Variants in TRANK1 observed in about 807,000 individuals in gnomAD.
TRANK1 encodes TPR and ankyrin repeat-containing protein 1.
In TRANK1, 198 loss-of-function variants were observed where a neutral mutation model predicts 266.0. The observed-to-expected ratio is 0.74, with a 90% confidence interval of 0.66 to 0.84. The LOEUF (loss-of-function observed/expected upper bound fraction) is 0.84. Ranked by LOEUF, TRANK1 falls within the 40% of genes least tolerant of loss-of-function variation. The pLI is 0.00. For synonymous variants in TRANK1, 1,396 were observed against 1,384.1 expected, an observed-to-expected ratio of 1.01 and a Z score of -0.19; for missense variants, 3,326 against 3,634.6, an observed-to-expected ratio of 0.92 and a Z score of 2.18.
intron 22 of TRANK1, 51 bp from the exon 23 acceptor site, chr3:36,829,713 T>A (rs1575171323): frequency 3.1e-5 from 49 of 1,578,212 alleles, no homozygotes; most frequent in Non-Finnish European, 4.2e-5. Flanking sequence ...TTGCAGGAAC[T>A]AGAACACCAA....
chr3:36,849,029 C>T (rs1016120378), intron 15 of TRANK1, among the ~76,000 whole-genome samples: 1 of 152,106 alleles, frequency 6.6e-6, no homozygotes, highest in Non-Finnish European at 1.5e-5. Flanking sequence ...GTACTTGTAG[C>T]AAGGATACAG....
At chr3:36,839,868 T>C (rs1472088283) in intron 18 of TRANK1, among the ~76,000 whole-genome samples, 3 of 152,214 alleles carry the variant, frequency 2.0e-5, no homozygotes, top group Admixed American at 6.5e-5. Context: ...AAACCCTTTT[T>C]GTTGAATGAA....
intron 10 of TRANK1, among the ~76,000 whole-genome samples, chr3:36,863,007 A>G (rs1230037597): frequency 6.6e-6 from 1 of 152,098 alleles, no homozygotes; most frequent in Non-Finnish European, 1.5e-5. Flanking sequence ...GGATACAAAG[A>G]GGAAAAAAAA....
intron 1 of TRANK1, among the ~76,000 whole-genome samples, chr3:36,914,443 TG>T (rs1191219429): frequency 8.7e-5 from 11 of 126,514 alleles, no homozygotes; most frequent in Non-Finnish European, 1.8e-4. Flanking sequence ...ACCCAGCTGG[TG>T]TCTTCCTTTT....
rs1396918528 is a variant in TRANK1, at chr3:36,874,188, T to C, written c.1016A>G (p.Lys339Arg). The part of the protein sequence containing the change: ...VDVLKRNKNF[K>R]AIEKINSHLE... Reference sequence around the variant, plus strand: ...GTGACTGTTGATTTTCTCGATGGCTTTGAAGTTCTTATTCCTCTTCAGGAC... The same window carrying C: ...GTGACTGTTGATTTTCTCGATGGCTCTGAAGTTCTTATTCCTCTTCAGGAC... The change falls in exon 9 of 24, where the codon AAA becomes AGA. Residue 339 changes from lysine to arginine, a missense_variant. Coordinates refer to ENST00000645898, the MANE Select transcript of TRANK1 (RefSeq NM_001329998.2). 5 of 1,537,446 alleles carry C rather than the reference T, an allele frequency of 3.3e-6. No individual in the cohort carries two copies. Among genetic ancestry groups the C allele is most frequent in the Non-Finnish European group, 4.4e-6 (5 of 1,146,942 alleles).
At chr3:36,842,234 G>GA (rs34496615) in intron 18 of TRANK1, among the ~76,000 whole-genome samples, 55 of 152,240 alleles carry the variant, frequency 3.6e-4, no homozygotes, top group Middle Eastern at 3.4e-3. Context: ...TGATCAATTT[G>GA]AAAAAAATCA....
At position 36,864,432 on chromosome 3, in the gene TRANK1, T is replaced by C. The variant is rs1453416138; in HGVS notation, c.1127A>G (p.Lys376Arg). The change falls in exon 10 of 24, where the codon AAG becomes AGG. Residue 376 changes from lysine (K) to arginine (R), a missense_variant. Coordinates refer to ENST00000645898, the MANE Select transcript of TRANK1 (RefSeq NM_001329998.2). ...ATACTTCACCAGCTGCTCCAAGACC[T>C]TCCTGAAAATGTCGTTTTCACTAGT... ...GPTSENDIFR[K>R]VLEQLVKYMN... 1.4e-5 allele frequency: 22 copies of C among 1,536,446 alleles called. No individual in the cohort carries two copies. The highest frequency in any genetic ancestry group is 1.9e-5 in the Non-Finnish European group (22 of 1,146,672).
intron 8 of TRANK1, among the ~76,000 whole-genome samples, chr3:36,886,396 C>T (rs1008923430): frequency 1.3e-5 from 2 of 151,878 alleles, no homozygotes; most frequent in African/African-American, 2.4e-5. Context: ...CAGGCATGAG[C>T]CACCACACCC....
At chr3:36,850,223 C>G in intron 15 of TRANK1, 1 of 985,334 alleles carries the variant, frequency 1.0e-6, no homozygotes, top group Non-Finnish European at 1.2e-6. Flanking sequence ...AAAAGTTAGT[C>G]CTCAGAGGTA....
chr3:36,884,551 T>C (rs1370488009), intron 8 of TRANK1, among the ~76,000 whole-genome samples: 3 of 152,146 alleles, frequency 2.0e-5, no homozygotes, highest in Non-Finnish European at 2.9e-5. Flanking sequence ...TTTTATCCCA[T>C]AGAATAAAAT....
intron 5 of TRANK1, among the ~76,000 whole-genome samples, chr3:36,894,314 T>C (rs2079756325): frequency 6.6e-6 from 1 of 152,246 alleles, no homozygotes; most frequent in Non-Finnish European, 1.5e-5. Context: ...AATTAAACTA[T>C]CTTCCTGCTA....
At position 36,833,926 on chromosome 3, in the gene TRANK1, A is replaced by C; in HGVS notation, c.5664-7T>G. The C allele has an allele frequency of 6.3e-7, 1 of 1,589,704 alleles. No homozygotes were observed. Among genetic ancestry groups the C allele is most frequent in the South Asian group, 1.1e-5 (1 of 87,994 alleles). ...CTTTAGCATTTCTTCATACCTGCAA[A>C]GACAAAGGACACAAATGTCAACTTG... On this transcript the variant is annotated splice_region_variant and splice_polypyrimidine_tract_variant and intron_variant, in intron 21 of 23. Coordinates refer to ENST00000645898, the MANE Select transcript of TRANK1 (RefSeq NM_001329998.2).
At position 36,855,879 on chromosome 3, in the gene TRANK1, T is replaced by C. The variant is rs2079045082; in HGVS notation, c.3843A>G (p.Glu1281=). Residue 1281 remains glutamate (E), a synonymous_variant, in exon 13 of 24, where the codon GAA becomes GAG. Transcript: ENST00000645898. ...CTTGCCAACTAGGAATGGTTGACTC[T>C]TCCTGTGCAGACCATCCTATGATGG... ...KRTIIGWSAQ[E]ESTIPSWQED... is the part of the protein sequence containing the mutation. 6.2e-7 allele frequency: 1 copy of C among 1,613,638 alleles called. No homozygotes were observed. The highest frequency in any genetic ancestry group is 1.1e-5 in the South Asian group (1 of 91,068).
intron 10 of TRANK1, among the ~76,000 whole-genome samples, chr3:36,863,901 TC>T (rs2125557058): frequency 6.6e-6 from 1 of 152,338 alleles, no homozygotes; most frequent in South Asian, 2.1e-4. Context: ...TCTAGAATCT[TC>T]CCAAATTATT....
chr3:36,917,588 T>G (rs1395737050), intron 1 of TRANK1, among the ~76,000 whole-genome samples: 1 of 152,018 alleles, frequency 6.6e-6, no homozygotes, highest in Non-Finnish European at 1.5e-5. Flanking sequence ...GGGCAGGAGA[T>G]GTTGGAAGTT....
chr3:36,834,680 G>A (rs528453896), intron 21 of TRANK1, 82 bp downstream of exon 21: 1 of 1,500,626 alleles, frequency 6.7e-7, no homozygotes, highest in East Asian at 2.3e-5. Context: ...AGAAGCAGCA[G>A]GATAGCACCA....
intron 9 of TRANK1, among the ~76,000 whole-genome samples, chr3:36,870,250 A>G (rs2079286116): frequency 6.6e-6 from 1 of 152,208 alleles, no homozygotes; most frequent in African/African-American, 2.4e-5. Flanking sequence ...TCTACAAAAA[A>G]TACAAAATTA....
intron 8 of TRANK1, among the ~76,000 whole-genome samples, chr3:36,874,827 C>T (rs551317963): frequency 5.3e-5 from 8 of 152,094 alleles, no homozygotes; most frequent in Admixed American, 3.3e-4. Context: ...CAAGCATCAA[C>T]GTATGTCTGT....
intron 1 of TRANK1, among the ~76,000 whole-genome samples, chr3:36,916,089 T>C (rs2080120245): frequency 1.3e-5 from 2 of 152,222 alleles, no homozygotes; most frequent in South Asian, 4.1e-4. Context: ...TTTTATACTA[T>C]ACAATACAGA....
Sources: allele counts gnomAD v4.1 joint callset (sites outside exome capture counted in the v4.1 genomes callset), GRCh38; gene constraint gnomAD v4.1.1; transcripts MANE v1.5; gene names NCBI Gene and HGNC (gene_info 2026-07-23, HGNC 2026-07-21).